The following ZZZ3 variants were observed in gnomAD, a reference collection of about 807,000 sequenced individuals.
The protein encoded by ZZZ3 is ZZ-type zinc finger-containing protein 3.
Under a neutral mutation model 95.2 loss-of-function variants are expected in ZZZ3, and 22 were observed. That is an observed-to-expected ratio of 0.23 (90% CI 0.17 to 0.33). The LOEUF is 0.33. Among genes scored for constraint, ZZZ3 ranks in the 10% least tolerant of loss-of-function variants. The pLI is 1.00. For synonymous variants in ZZZ3, 335 were observed against 358.9 expected, an observed-to-expected ratio of 0.93 and a Z score of 0.75; for missense variants, 885 against 1,066.5, an observed-to-expected ratio of 0.83 and a Z score of 2.37.
At chr1:77,682,062 A>C (rs749674233) in intron 1 of ZZZ3, among the ~76,000 whole-genome samples, 2 of 152,196 alleles carry the variant, frequency 1.3e-5, no homozygotes, top group Non-Finnish European at 2.9e-5. Context: ...GATGAAAAGC[A>C]GGATTTTATT....
At chr1:77,603,473 T>G (rs1203087568) in intron 5 of ZZZ3, among the ~76,000 whole-genome samples, 1 of 152,158 alleles carries the variant, frequency 6.6e-6, no homozygotes, top group East Asian at 1.9e-4. Context: ...GAAGATTGTA[T>G]TTCTCTTCCA....
intron 1 of ZZZ3, among the ~76,000 whole-genome samples, chr1:77,677,645 A>G (rs1033125698): frequency 2.0e-5 from 3 of 152,186 alleles, no homozygotes; most frequent in Admixed American, 6.5e-5. Context: ...AGATAATACT[A>G]TATACAAGAA....
chr1:77,603,851 C>T (rs575010489), intron 5 of ZZZ3, among the ~76,000 whole-genome samples: 5 of 152,112 alleles, frequency 3.3e-5, no homozygotes, highest in East Asian at 1.9e-4. Flanking sequence ...TTATTATTTC[C>T]GACAACAAAA....
chr1:77,565,713 T>A lies in ZZZ3; in HGVS notation c.2639A>T (p.Asp880Val). 6.2e-7 allele frequency: 1 copy of A among 1,613,770 alleles called. No individual in the cohort carries two copies. Reference protein sequence around the residue: ...EPIYRSETFLDRDYCVSQGTS... With the variant: ...EPIYRSETFLVRDYCVSQGTS... ...GCCCTGAGACACACAGTAGTCTCTGTCTAAGAATGTCTCTGACCTATAAAT... is the reference window on the plus strand; with the variant it reads ...GCCCTGAGACACACAGTAGTCTCTGACTAAGAATGTCTCTGACCTATAAAT... Residue 880 changes from aspartate to valine, a missense_variant, in exon 15 of 15, where the codon GAC (aspartate) becomes GTC (valine). By Grantham distance (152) the Asp-to-Val change is radical (BLOSUM62 -3). Transcript: ENST00000370801.
intron 5 of ZZZ3, among the ~76,000 whole-genome samples, chr1:77,605,067 G>T (rs1665101549): frequency 6.6e-6 from 1 of 152,094 alleles, no homozygotes; most frequent in Non-Finnish European, 1.5e-5. Flanking sequence ...GAACCTTCAT[G>T]AGATCCAAAA....
rs748963136 is a variant in ZZZ3, at chr1:77,584,657, TACAGAG to T, written c.1506-8_1506-3del. ...ATCGTCTGTAATAGTCTCTGATAAC[TACAGAG>T]ACAAAGAAAAATATTTCACAAAAAT... is the stretch of plus-strand genomic sequence containing the variant. On this transcript the variant is annotated splice_region_variant and splice_polypyrimidine_tract_variant and intron_variant, in intron 5 of 14. Coordinates refer to ENST00000370801, the MANE Select transcript of ZZZ3 (RefSeq NM_015534.6). 9 of 1,548,476 alleles carry T rather than the reference TACAGAG, an allele frequency of 5.8e-6. No homozygotes were observed. Among genetic ancestry groups the T allele is most frequent in the South Asian group, 1.3e-5 (1 of 79,874 alleles).
chr1:77,580,077 G>T (rs768107017), intron 9 of ZZZ3: 2 of 152,732 alleles, frequency 1.3e-5, no homozygotes, highest in Admixed American at 6.5e-5. Flanking sequence ...TCCTTCTTTT[G>T]TATGGTCCTT....
At chr1:77,633,715 A>C (rs1429975386) in intron 4 of ZZZ3, among the ~76,000 whole-genome samples, 1 of 152,194 alleles carries the variant, frequency 6.6e-6, no homozygotes, top group Admixed American at 6.5e-5. Context: ...TTCACGAATG[A>C]GATTAAAGCA....
At chr1:77,604,011 A>T (rs1407533802) in intron 5 of ZZZ3, among the ~76,000 whole-genome samples, 13 of 152,128 alleles carry the variant, frequency 8.5e-5, no homozygotes, top group Admixed American at 7.9e-4. Context: ...AAAAAAAAAA[A>T]TTTAAAAATT....
chr1:77,641,283 C>A, intron 3 of ZZZ3, 101 bp downstream of exon 3: 2 of 327,802 alleles, frequency 6.1e-6, no homozygotes, highest in Non-Finnish European at 1.1e-5. Context: ...AACCACATAA[C>A]TACTCTATTT....
At chr1:77,670,595 G>A (rs1310527254) in intron 1 of ZZZ3, among the ~76,000 whole-genome samples, 1 of 152,044 alleles carries the variant, frequency 6.6e-6, no homozygotes, top group African/African-American at 2.4e-5. Context: ...ACATTAACCA[G>A]TAAGAGCTGC....
chr1:77,590,096 G>A (rs1005920274), intron 5 of ZZZ3, among the ~76,000 whole-genome samples: 1 of 152,228 alleles, frequency 6.6e-6, no homozygotes, highest in Non-Finnish European at 1.5e-5. Context: ...AAGAGGGCCA[G>A]GTGCAGTGGC....
At chr1:77,679,818 T>C (rs796653175) in intron 1 of ZZZ3, among the ~76,000 whole-genome samples, 1 of 152,324 alleles carries the variant, frequency 6.6e-6, no homozygotes, top group African/African-American at 2.4e-5. Context: ...CATGTAAAAA[T>C]ACATTTTTCC....
intron 4 of ZZZ3, among the ~76,000 whole-genome samples, chr1:77,633,857 G>T (rs1200029552): frequency 6.6e-6 from 1 of 152,270 alleles, no homozygotes; most frequent in African/African-American, 2.4e-5. Context: ...CTAAAGATGT[G>T]ATTTCATTTT....
intron 4 of ZZZ3, among the ~76,000 whole-genome samples, chr1:77,635,130 A>G (rs1462465388): frequency 2.0e-5 from 3 of 152,334 alleles, no homozygotes; most frequent in African/African-American, 7.2e-5. Context: ...AGACACAGCA[A>G]CATGCTACCA....
intron 5 of ZZZ3, among the ~76,000 whole-genome samples, chr1:77,592,469 T>C (rs1663804613): frequency 6.6e-6 from 1 of 152,092 alleles, no homozygotes; most frequent in African/African-American, 2.4e-5. Context: ...GCCTGGCTAT[T>C]TTTTGTATTT....
chr1:77,668,879 G>T (rs1570659408), intron 1 of ZZZ3, among the ~76,000 whole-genome samples: 2 of 152,110 alleles, frequency 1.3e-5, no homozygotes, highest in African/African-American at 2.4e-5. Context: ...ACTTTTAGGA[G>T]ATTAAACTAC....
At chr1:77,587,413 C>T (rs189066896) in intron 5 of ZZZ3, among the ~76,000 whole-genome samples, 11 of 151,852 alleles carry the variant, frequency 7.2e-5, no homozygotes, top group African/African-American at 2.4e-4. Context: ...TACAGGCACC[C>T]GCCACCACAT....
intron 1 of ZZZ3, among the ~76,000 whole-genome samples, chr1:77,663,711 T>C (rs867445733): frequency 3.3e-5 from 5 of 152,130 alleles, no homozygotes; most frequent in Admixed American, 6.6e-5. Flanking sequence ...TCTGAGACTA[T>C]ATAAAACTAA....
Sources: allele counts gnomAD v4.1 joint callset (sites outside exome capture counted in the v4.1 genomes callset), GRCh38; gene constraint gnomAD v4.1.1; transcripts MANE v1.5; gene names NCBI Gene and HGNC (gene_info 2026-07-23, HGNC 2026-07-21).